The following ZNF493 variants were observed in gnomAD, a reference collection of about 807,000 sequenced individuals.
The protein encoded by ZNF493 is zinc finger protein 493.
Under a neutral mutation model 12.2 loss-of-function variants are expected in ZNF493, and 11 were observed. The observed-to-expected ratio is 0.90, with a 90% CI of 0.57 to 1.50. The LOEUF is 1.50. ZNF493 is among the 40% of genes most tolerant of loss of function. ZNF493 has a pLI of 0.00. For missense variants in ZNF493, 950 were observed against 906.6 expected, an observed-to-expected ratio of 1.05 and a Z score of -0.61; for synonymous variants, 286 against 302.6, an observed-to-expected ratio of 0.95 and a Z score of 0.57.
chr19:21,412,383 C>G (rs1432682447), intron 3 of ZNF493: 1 of 152,460 alleles, frequency 6.6e-6, no homozygotes. Flanking sequence ...GCCAGGTATT[C>G]CTTGCCCTCA....
intron 3 of ZNF493, among the ~76,000 whole-genome samples, chr19:21,410,247 G>A (rs1248760143): frequency 6.6e-6 from 1 of 151,808 alleles, no homozygotes; most frequent in African/African-American, 2.4e-5. Flanking sequence ...TGGGATTGCT[G>A]TATTTGATGA....
At position 21,422,765 on chromosome 19, in the gene ZNF493, TTTTCA is replaced by T. The variant is rs1343244805; in HGVS notation, c.254-145_254-141del. On this transcript the variant is annotated intron_variant, in intron 3 of 3. Coordinates refer to ENST00000392288, the MANE Select transcript of ZNF493 (RefSeq NM_001076678.3). ...TCTCAGATATATTTTGGTTAGTATGTTTTCATTACATATAAAGAATTAGAGCCTTT... is the reference window on the plus strand; with the variant it reads ...TCTCAGATATATTTTGGTTAGTATGTTTACATATAAAGAATTAGAGCCTTT... 9 of 675,752 alleles carry T rather than the reference TTTTCA, an allele frequency of 1.3e-5. No individual in the cohort carries two copies. The African/African-American group carries it at 1.5e-4, about 11-fold the overall frequency. The allele number at this position is 675,752 out of a possible 1,614,324, so 41.9% of individuals were successfully genotyped here.
At chr19:21,404,386 T>C (rs879730644) in intron 1 of ZNF493, among the ~76,000 whole-genome samples, 2 of 152,252 alleles carry the variant, frequency 1.3e-5, no homozygotes, top group Admixed American at 6.5e-5. Flanking sequence ...TAAAATTTAC[T>C]TAAAAGAGCT....
At chr19:21,411,103 A>T (rs960979614) in intron 3 of ZNF493, among the ~76,000 whole-genome samples, 31 of 152,006 alleles carry the variant, frequency 2.0e-4, no homozygotes, top group African/African-American at 6.8e-4. Flanking sequence ...TGTCTACGGA[A>T]TTTTTTTGTA....
rs906085306 is a variant in ZNF493, at chr19:21,398,707, A to G, written c.30+1440A>G. The G allele has an allele frequency of 1.1e-5, 3 of 264,424 alleles. No homozygotes were observed. In the East Asian group the frequency reaches 3.5e-4, roughly 31 times the overall value. The allele number at this position is 264,424 out of a possible 1,614,324, so 16.4% of individuals were successfully genotyped here. A position where few individuals can be genotyped will look rare whatever the true frequency, so the allele number is the denominator to read the frequency against. ...GGTGTACTCTTATTTTGAAACGGGTAACCCTTTGAAATGTTAAAATTGCCT... is the reference window on the plus strand; with the variant it reads ...GGTGTACTCTTATTTTGAAACGGGTGACCCTTTGAAATGTTAAAATTGCCT... On this transcript the variant is annotated intron_variant, in intron 1 of 3. Coordinates refer to ENST00000392288, the MANE Select transcript of ZNF493 (RefSeq NM_001076678.3).
intron 3 of ZNF493, among the ~76,000 whole-genome samples, chr19:21,419,972 A>G (rs2030607284): frequency 6.6e-6 from 1 of 152,124 alleles, no homozygotes; most frequent in African/African-American, 2.4e-5. Flanking sequence ...CTAAAAATTG[A>G]CACGGCCACT....
Position 21,423,890 on chromosome 19 carries a change from G to C in ZNF493, c.1231G>C (p.Gly411Arg), listed in dbSNP as rs755503662. The C allele has an allele frequency of 1.2e-6, 2 of 1,610,040 alleles. No homozygotes were observed. Among genetic ancestry groups the C allele is most frequent in the African/African-American group, 2.7e-5 (2 of 73,788 alleles). Residue 411 changes from glycine (G) to arginine (R), a missense_variant, in exon 4 of 4, where the codon GGC becomes CGC. Physicochemically the swap from Gly to Arg is moderately radical, Grantham distance 125. Coordinates refer to ENST00000392288, the MANE Select transcript of ZNF493 (RefSeq NM_001076678.3). ...GAAATCCCACAGATGTGAAGAATGTGGCAAAGCTTATAAGGAGTCTTCACA... is the reference window on the plus strand; with the variant it reads ...GAAATCCCACAGATGTGAAGAATGTCGCAAAGCTTATAAGGAGTCTTCACA... ...EEKSHRCEEC[G>R]KAYKESSHLT...
intron 3 of ZNF493, among the ~76,000 whole-genome samples, chr19:21,409,612 G>A (rs2968080): frequency 0.031 from 4,698 of 152,120 alleles, 166 homozygotes; most frequent in African/African-American, 0.074. Context: ...AGGCGTGGTG[G>A]TATGCACCTG....
chr19:21,420,958 G>C (rs2914631), intron 3 of ZNF493, among the ~76,000 whole-genome samples: 21 of 151,736 alleles, frequency 1.4e-4, no homozygotes, highest in Admixed American at 2.6e-4. Flanking sequence ...ATGTTGGTCA[G>C]GCTGGTCTTG....
In ZNF493 at chr19:21,424,180, T is replaced by C. The variant is rs779689462; in HGVS notation, c.1521T>C (p.His507=). 3.7e-6 allele frequency: 6 copies of C among 1,613,310 alleles called. No homozygotes were observed. Among genetic ancestry groups the C allele is most frequent in the Admixed American group, 1.7e-5 (1 of 59,894 alleles). ...ACCAATCTTCAACCCTTAGTATACA[T>C]AAAATAATTCATACTGGAGAAAAAC... The part of the protein sequence containing the change: ...AFNQSSTLSI[H]KIIHTGEKPY... The change falls in exon 4 of 4, where the codon CAT becomes CAC. Residue 507 remains histidine, a synonymous_variant. Coordinates refer to ENST00000392288, the MANE Select transcript of ZNF493 (RefSeq NM_001076678.3).
At position 21,422,911 on chromosome 19, in the gene ZNF493, A is replaced by G. The variant is rs1370164074; in HGVS notation, c.254-2A>G. On this transcript the variant is annotated splice_acceptor_variant, in intron 3 of 3. Coordinates refer to ENST00000392288, the MANE Select transcript of ZNF493 (RefSeq NM_001076678.3). LOFTEE classifies it high-confidence loss of function. ...GTAATTTGATATTTTTATTTCTTTC[A>G]GTTATATGTTCTCATTTTGCTGAAG... 1 of 1,534,696 alleles carries G rather than the reference A, an allele frequency of 6.5e-7. No homozygotes were observed. The highest frequency in any genetic ancestry group is 8.7e-7 in the Non-Finnish European group (1 of 1,146,692).
intron 3 of ZNF493, among the ~76,000 whole-genome samples, chr19:21,407,254 C>T (rs757671298): frequency 4.6e-5 from 7 of 151,956 alleles, no homozygotes; most frequent in African/African-American, 7.2e-5. Flanking sequence ...GAGGCTGAAC[C>T]AGGGGAATCA....
rs377546184 is a variant in ZNF493 at position 21,425,184 on chromosome 19, T to C, written c.*200T>C. On this transcript the variant is annotated 3_prime_UTR_variant, in exon 4 of 4. Coordinates refer to ENST00000392288, the MANE Select transcript of ZNF493 (RefSeq NM_001076678.3). ...GATAATTCATATTGGAGAGAAATTC[T>C]ACAGATGTGAAGAATGTGGCAAAGG... The C allele has an allele frequency of 1.4e-6, 1 of 706,812 alleles. No homozygotes were observed. 43.8% of individuals were successfully genotyped at this position (706,812 alleles called of 1,614,324 possible).
At position 21,424,322 on chromosome 19, in the gene ZNF493, A is replaced by G. The variant is rs200615791; in HGVS notation, c.1663A>G (p.Asn555Asp). 67 of 1,613,578 alleles carry G rather than the reference A, an allele frequency of 4.2e-5. No homozygotes were observed. The highest frequency in any genetic ancestry group is 1.0e-5 in the Non-Finnish European group (12 of 1,179,790). The change falls in exon 4 of 4, where the codon AAT (asparagine) becomes GAT (aspartate). Residue 555 changes from asparagine (N) to aspartate (D), a missense_variant. By Grantham distance (23) the Asn-to-Asp change is conservative. Transcript: ENST00000392288. ...ATGTGAAGAATGTGGCAAAGCTTTT[A>G]ATCGGTCCTCACACCTTACTACACA... ...YKCEECGKAF[N>D]RSSHLTTHKR...
In ZNF493 at chr19:21,408,689, CT is replaced by C. The variant is rs1261516294; in HGVS notation, c.253+2835del. Reference sequence around the variant, plus strand: ...TTCAGTGTAGGTATCTTAATATCAGCTTATCGTGGTTTTTGGTTATGTATTA... The same window carrying C: ...TTCAGTGTAGGTATCTTAATATCAGCTATCGTGGTTTTTGGTTATGTATTA... On this transcript the variant is annotated intron_variant, in intron 3 of 3. Transcript: ENST00000392288. 6.1e-6 allele frequency: 6 copies of C among 984,888 alleles called. No homozygotes were observed. In the African/African-American group the frequency reaches 8.8e-5, roughly 14 times the overall value. The allele number at this position is 984,888 out of a possible 1,614,324, so 61.0% of individuals were successfully genotyped here.
At position 21,405,811 on chromosome 19, in the gene ZNF493, G is replaced by C; in HGVS notation, c.208G>C (p.Asp70His). 2 of 1,550,900 alleles carry C rather than the reference G, an allele frequency of 1.3e-6. No homozygotes were observed. Among genetic ancestry groups the C allele is most frequent in the Non-Finnish European group, 1.8e-6 (2 of 1,141,538 alleles). ...DLVTCLEQGK[D>H]PWNMKGHSTV... Reference sequence around the variant, plus strand: ...GGTCACCTGTCTGGAGCAAGGAAAAGATCCCTGGAATATGAAGGGACACAG... The same window carrying C: ...GGTCACCTGTCTGGAGCAAGGAAAACATCCCTGGAATATGAAGGGACACAG... The change falls in exon 3 of 4, where the codon GAT becomes CAT. Residue 70 changes from aspartate to histidine, a missense_variant. Transcript: ENST00000392288.
intron 1 of ZNF493, among the ~76,000 whole-genome samples, chr19:21,401,017 A>G (rs1345777931): frequency 2.0e-5 from 3 of 152,154 alleles, no homozygotes; most frequent in East Asian, 3.9e-4. Flanking sequence ...GAGAAAAAGC[A>G]TTCTTTTCTT....
intron 2 of ZNF493, 42 bp downstream of exon 2, chr19:21,405,297 G>T: frequency 6.3e-7 from 1 of 1,575,452 alleles, no homozygotes; most frequent in Non-Finnish European, 8.6e-7. Flanking sequence ...ATACCCTAAA[G>T]TTTTCATTTC....
chr19:21,418,475 C>T (rs1252628711), intron 3 of ZNF493, among the ~76,000 whole-genome samples: 2 of 152,138 alleles, frequency 1.3e-5, no homozygotes, highest in Non-Finnish European at 2.9e-5. Context: ...CTACATTCTC[C>T]AACCATCACT....
Sources: allele counts gnomAD v4.1 joint callset (sites outside exome capture counted in the v4.1 genomes callset), GRCh38; gene constraint gnomAD v4.1.1; transcripts MANE v1.5; gene names NCBI Gene and HGNC (gene_info 2026-07-23, HGNC 2026-07-21).